Variants in KIAA1549L observed in about 807,000 individuals in gnomAD.
The protein encoded by KIAA1549L is KIAA1549 like, also known as UPF0606 protein KIAA1549L.
In KIAA1549L, 88 loss-of-function variants were observed where a neutral mutation model predicts 160.7. That is an observed-to-expected ratio of 0.55 (90% confidence interval 0.46 to 0.65). The LOEUF is 0.65. Among genes scored for constraint, KIAA1549L ranks in the 30% least tolerant of loss-of-function variants. KIAA1549L has a pLI of 0.00. For missense variants in KIAA1549L, 2,258 were observed against 2,437.5 expected (o/e 0.93, Z 1.55); for synonymous variants, 950 against 976.7 (o/e 0.97, Z 0.51).
chr11:33,634,714 A>G (rs147507681), intron 16 of KIAA1549L, among the ~76,000 whole-genome samples: 17 of 152,264 alleles, frequency 1.1e-4, no homozygotes, highest in African/African-American at 3.4e-4. Context: ...TGTCTGTCCC[A>G]TCTTCATAGT....
At position 33,616,808 on chromosome 11, in the gene KIAA1549L, AC is replaced by A. The variant is rs548487791; in HGVS notation, c.5280-1722del. 2.4e-4 allele frequency among the ~76,000 whole-genome samples: 37 copies of A among 152,204 alleles called. No individual in the cohort carries two copies. In the South Asian group the frequency reaches 3.7e-3, roughly 15 times the overall value. On this transcript the variant is annotated intron_variant, in intron 15 of 20. Coordinates refer to ENST00000658780, the MANE Select transcript of KIAA1549L (RefSeq NM_012194.3). Reference sequence around the variant, plus strand: ...AAATAATACAGTCTCTTCACCTTCAACCCATGAATAGCTAGAATCTTAGAAT... The same window carrying A: ...AAATAATACAGTCTCTTCACCTTCAACCATGAATAGCTAGAATCTTAGAAT...
intron 1 of KIAA1549L, among the ~76,000 whole-genome samples, chr11:33,405,104 T>G (rs1850617734): frequency 6.6e-6 from 1 of 152,206 alleles, no homozygotes; most frequent in Admixed American, 6.5e-5. Context: ...ATATTGTTTT[T>G]GTTTTGGCTT....
At position 33,569,068 on chromosome 11, in the gene KIAA1549L, C is replaced by T. The variant is rs375680432; in HGVS notation, c.4230+841C>T. Among the ~76,000 whole-genome samples, 136 of 152,242 alleles carry T rather than the reference C, an allele frequency of 8.9e-4. 2 individuals are homozygous for T. In the South Asian group the frequency reaches 0.027, roughly 30 times the overall value. ...AGGCTCCTTCCCATTCTTGTATTAC[C>T]TCCTCACCCTCCTGCCAGTTCGTTG... On this transcript the variant is annotated intron_variant, in intron 9 of 20. Transcript: ENST00000658780.
chr11:33,417,476 T>G (rs1418776082), intron 1 of KIAA1549L, among the ~76,000 whole-genome samples: 1 of 152,200 alleles, frequency 6.6e-6, no homozygotes, highest in Admixed American at 6.5e-5. Context: ...ACGAGTGGGT[T>G]ATGATCCCCA....
In KIAA1549L at chr11:33,531,896, A is replaced by G. The variant is rs547944850; in HGVS notation, c.239-9906A>G. Among the ~76,000 whole-genome samples the G allele has an allele frequency of 2.8e-3, 428 of 152,306 alleles. 3 individuals are homozygous for G. Among genetic ancestry groups the G allele is most frequent in the African/African-American group, 9.8e-3 (408 of 41,556 alleles). ...GTCTTGGTGATTTAGAGCCGTGCTC[A>G]GTAATGTTTGCCAAAACAGCCCTGG... On this transcript the variant is annotated intron_variant, in intron 1 of 20. Transcript: ENST00000658780.
chr11:33,587,281 A>G (rs1166703265), intron 11 of KIAA1549L, among the ~76,000 whole-genome samples: 3 of 152,172 alleles, frequency 2.0e-5, no homozygotes, highest in Non-Finnish European at 2.9e-5. Flanking sequence ...TGAAGTAACT[A>G]TAGCTACTTC....
At chr11:33,619,442 C>G (rs74856096) in intron 16 of KIAA1549L, among the ~76,000 whole-genome samples, 2,451 of 152,228 alleles carry the variant, frequency 0.016, 72 homozygotes, top group African/African-American at 0.055. Context: ...AGTTATAATT[C>G]AAATATATCT....
chr11:33,652,182 C>T (rs1186857212), intron 17 of KIAA1549L, among the ~76,000 whole-genome samples: 1 of 151,812 alleles, frequency 6.6e-6, no homozygotes, highest in Non-Finnish European at 1.5e-5. Flanking sequence ...CGTGCAATAG[C>T]TTCCAATGGA....
intron 1 of KIAA1549L, among the ~76,000 whole-genome samples, chr11:33,511,793 C>T (rs896990359): frequency 1.1e-4 from 16 of 152,192 alleles, no homozygotes; most frequent in African/African-American, 3.9e-4. Context: ...CCCTCTCTAG[C>T]TTAGGTTAGT....
At position 33,604,307 on chromosome 11, in the gene KIAA1549L, A is replaced by C. The variant is rs78129522; in HGVS notation, c.4880-2334A>C. On this transcript the variant is annotated intron_variant, in intron 13 of 20. Transcript: ENST00000658780. Reference sequence around the variant, plus strand: ...AGTCTTAACTGGCAAAAACCAATAGATGTTGGCATGGATGTGGTGAAAAGG... The same window carrying C: ...AGTCTTAACTGGCAAAAACCAATAGCTGTTGGCATGGATGTGGTGAAAAGG... 1.1e-3 allele frequency among the ~76,000 whole-genome samples: 166 copies of C among 152,250 alleles called. 2 individuals are homozygous for C. The East Asian group carries it at 0.019, about 18-fold the overall frequency.
rs758035058 is a variant in KIAA1549L at position 33,543,060 on chromosome 11, C to T, written c.1497C>T (p.Ala499=). ...CCGCATCACCATCAACTGGGACAGC[C>T]GACTTTCCCTCCATACTTACTTTCC... ...AVPASPSTGT[A]DFPSILTFLQ... is the part of the protein sequence containing the mutation. The change falls in exon 2 of 21, where the codon GCC becomes GCT. Residue 499 remains alanine, a synonymous_variant. Coordinates refer to ENST00000658780, the MANE Select transcript of KIAA1549L (RefSeq NM_012194.3). 4.3e-6 allele frequency: 7 copies of T among 1,613,926 alleles called. No individual in the cohort carries two copies. The highest frequency in any genetic ancestry group is 2.2e-5 in the East Asian group (1 of 44,876).
chr11:33,544,924 G>A lies in KIAA1549L; in HGVS notation c.2931G>A (p.Ser977=), dbSNP rs369940920. 16 of 1,613,230 alleles carry A rather than the reference G, an allele frequency of 9.9e-6. No individual in the cohort carries two copies. Among genetic ancestry groups the A allele is most frequent in the African/African-American group, 4.0e-5 (3 of 74,870 alleles). ...CCTCAGGACCAGCTAAGAGCAGTTC[G>A]ATGACTACTCTTGCTAAAAATGTCA... ...AVASGPAKSS[S]MTTLAKNVTN... is the part of the protein sequence containing the mutation. The change falls in exon 3 of 21, where the codon TCG becomes TCA. Residue 977 remains serine (S), a synonymous_variant. Transcript: ENST00000658780.
At chr11:33,412,468 A>C (rs749853493) in intron 1 of KIAA1549L, among the ~76,000 whole-genome samples, 1 of 152,238 alleles carries the variant, frequency 6.6e-6, no homozygotes, top group Non-Finnish European at 1.5e-5. Flanking sequence ...GACTTGCTAT[A>C]AATAAGACTG....
intron 1 of KIAA1549L, among the ~76,000 whole-genome samples, chr11:33,535,676 C>T (rs1590319094): frequency 6.6e-6 from 1 of 151,582 alleles, no homozygotes; most frequent in East Asian, 1.9e-4. Context: ...TGTCCCCCCT[C>T]CAAAAAAGAA....
intron 17 of KIAA1549L, 140 bp downstream of exon 17, chr11:33,646,176 A>G: frequency 1.5e-6 from 1 of 675,706 alleles, no homozygotes; most frequent in South Asian, 2.0e-5. Flanking sequence ...TCATCCCATC[A>G]TCCCATCTTC....
chr11:33,657,758 C>T (rs1377956144), intron 18 of KIAA1549L, among the ~76,000 whole-genome samples: 1 of 152,170 alleles, frequency 6.6e-6, no homozygotes, highest in Non-Finnish European at 1.5e-5. Context: ...GGTGGTGCCA[C>T]TGCACTCCAG....
chr11:33,487,729 T>G (rs1346110030), intron 1 of KIAA1549L, among the ~76,000 whole-genome samples: 1 of 152,154 alleles, frequency 6.6e-6, no homozygotes, highest in Non-Finnish European at 1.5e-5. Flanking sequence ...TCCGGAAGTT[T>G]TCTTATGTGA....
intron 1 of KIAA1549L, among the ~76,000 whole-genome samples, chr11:33,449,616 A>G (rs1016465046): frequency 6.6e-6 from 1 of 152,174 alleles, no homozygotes; most frequent in Non-Finnish European, 1.5e-5. Flanking sequence ...ATGTCTGCCA[A>G]TGAGTCTGAC....
intron 16 of KIAA1549L, among the ~76,000 whole-genome samples, chr11:33,624,506 A>G (rs1235547786): frequency 6.6e-6 from 1 of 152,206 alleles, no homozygotes; most frequent in Non-Finnish European, 1.5e-5. Context: ...AATTGAGTGC[A>G]TTGGAACCAT....
Sources: allele counts gnomAD v4.1 joint callset (sites outside exome capture counted in the v4.1 genomes callset), GRCh38; gene constraint gnomAD v4.1.1; transcripts MANE v1.5; gene names NCBI Gene and HGNC (gene_info 2026-07-23, HGNC 2026-07-21).